TUBGCP3: variants seen among roughly 807,000 people sequenced by gnomAD.
TUBGCP3 encodes gamma-tubulin complex component 3.
A neutral mutation model predicts 123.1 loss-of-function variants in TUBGCP3; 50 were observed. The ratio of observed to expected loss-of-function variants is 0.41; its 90% CI spans 0.32 to 0.51. The LOEUF (loss-of-function observed/expected upper bound fraction) is 0.51. TUBGCP3 is among the 20% of genes least tolerant of loss of function. TUBGCP3 has a pLI of 0.36. For synonymous variants in TUBGCP3, 405 were observed against 413.9 expected (o/e 0.98, Z 0.26); for missense variants, 882 against 1,127.0 (o/e 0.78, Z 3.11).
chr13:112,571,160 T>G (rs1881360256), intron 1 of TUBGCP3, among the ~76,000 whole-genome samples: 1 of 152,238 alleles, frequency 6.6e-6, no homozygotes, highest in Non-Finnish European at 1.5e-5. Flanking sequence ...CAAATGATCT[T>G]AATGGCATCT....
intron 2 of TUBGCP3, among the ~76,000 whole-genome samples, 195 bp downstream of exon 2, chr13:112,568,957 C>G (rs769675926): frequency 2.6e-5 from 4 of 152,178 alleles, no homozygotes; most frequent in Non-Finnish European, 5.9e-5. Context: ...TATGCACCAT[C>G]CCAGAATTAA....
chr13:112,502,316 G>A (rs1230373534), intron 19 of TUBGCP3, among the ~76,000 whole-genome samples: 2 of 152,178 alleles, frequency 1.3e-5, no homozygotes, highest in African/African-American at 4.8e-5. Flanking sequence ...CGACTGCACC[G>A]TGAGACAGGC....
intron 20 of TUBGCP3, among the ~76,000 whole-genome samples, chr13:112,497,695 T>C (rs1880613909): frequency 6.6e-6 from 1 of 152,252 alleles, no homozygotes; most frequent in Non-Finnish European, 1.5e-5. Context: ...CCTGGCTATA[T>C]GGCACAGCCT....
At chr13:112,498,980 G>C (rs762097260) in intron 20 of TUBGCP3, 65 bp downstream of exon 20, 1 of 1,614,090 alleles carries the variant, frequency 6.2e-7, no homozygotes. Flanking sequence ...TGGCATTTGA[G>C]ATTATCGTGT....
intron 1 of TUBGCP3, among the ~76,000 whole-genome samples, chr13:112,581,241 T>C (rs751276308): frequency 2.0e-5 from 3 of 152,140 alleles, no homozygotes; most frequent in Non-Finnish European, 2.9e-5. Flanking sequence ...ACAAGCGCAC[T>C]GTGTCAGCAA....
chr13:112,488,029 G>T (rs1192599727), intron 21 of TUBGCP3, among the ~76,000 whole-genome samples: 1 of 151,666 alleles, frequency 6.6e-6, no homozygotes, highest in Non-Finnish European at 1.5e-5. Context: ...CTACTCGGGA[G>T]GCTGAGGCAG....
chr13:112,498,793 C>T, intron 20 of TUBGCP3: 1 of 1,548,970 alleles, frequency 6.5e-7, no homozygotes, highest in Non-Finnish European at 8.7e-7. Flanking sequence ...TGAAAACGGG[C>T]AGGAGATTTG....
chr13:112,544,289 TA>T, intron 11 of TUBGCP3, among the ~76,000 whole-genome samples: 1 of 151,742 alleles, frequency 6.6e-6, no homozygotes, highest in Non-Finnish European at 1.5e-5. Context: ...CCGTCTCTAC[TA>T]AAAATACAAA....
rs544956581 is a variant in TUBGCP3 at position 112,574,328 on chromosome 13, T to C, written c.77-5069A>G. Among the ~76,000 whole-genome samples the C allele has an allele frequency of 6.1e-5, 8 of 130,100 alleles. No homozygotes were observed. The South Asian group carries it at 2.1e-3, about 33-fold the overall frequency. 85.4% of individuals were successfully genotyped at this position (130,100 alleles called of 152,430 possible). On this transcript the variant is annotated intron_variant, in intron 1 of 21. Coordinates refer to ENST00000261965, the MANE Select transcript of TUBGCP3 (RefSeq NM_006322.6). ...GTGAGCACTCTGAGCTCAGTGTGGC[T>C]TCCCCCTGCCCAATCCACAGAGAAT...
At chr13:112,596,080 C>T in the TUBGCP3 span, among the ~76,000 whole-genome samples, 4 of 152,098 alleles carry the variant, frequency 2.6e-5, no homozygotes, top group African/African-American at 9.7e-5. Flanking sequence ...TTTACATTCC[C>T]CTGTTTATGG....
chr13:112,558,815 G>A (rs941851636), intron 4 of TUBGCP3, among the ~76,000 whole-genome samples: 1 of 152,066 alleles, frequency 6.6e-6, no homozygotes, highest in African/African-American at 2.4e-5. Context: ...TCACCCACAC[G>A]CTTCAACCTC....
intron 17 of TUBGCP3, among the ~76,000 whole-genome samples, chr13:112,514,243 G>A (rs1464626373): frequency 2.1e-5 from 3 of 139,536 alleles, no homozygotes; most frequent in African/African-American, 7.9e-5. Context: ...ATGGGGAAAA[G>A]CAGTATACGT....
rs1350024195 is a variant in TUBGCP3, at chr13:112,518,842, T to C, written c.1950+133A>G. 3 of 728,862 alleles carry C rather than the reference T, an allele frequency of 4.1e-6. No homozygotes were observed. The African/African-American group carries it at 5.3e-5, about 13-fold the overall frequency. 45.1% of individuals were successfully genotyped at this position (728,862 alleles called of 1,614,324 possible). A position where few individuals can be genotyped will look rare whatever the true frequency, so the allele number is the denominator to read the frequency against. ...CACACAATTTTGGCTTAAGTATTCA[T>C]TCAATGAGTAGATCTTAGATGTCGA... is the stretch of plus-strand genomic sequence containing the variant. On this transcript the variant is annotated intron_variant, in intron 16 of 21. Coordinates refer to ENST00000261965, the MANE Select transcript of TUBGCP3 (RefSeq NM_006322.6).
intron 8 of TUBGCP3, among the ~76,000 whole-genome samples, chr13:112,553,083 A>G (rs895910297): frequency 6.7e-6 from 1 of 149,192 alleles, no homozygotes; most frequent in Non-Finnish European, 1.5e-5. Context: ...GTTCTTACCC[A>G]CCAGCCATGC....
In TUBGCP3 at chr13:112,504,729, T is replaced by G. The variant is rs1232717056; in HGVS notation, c.2087-15A>C. On this transcript the variant is annotated splice_polypyrimidine_tract_variant and intron_variant, in intron 17 of 21. Transcript: ENST00000261965. ...CCCGGAGAACTCTGCAAGGGAAGAG[T>G]TGACGTCAGAGGTGCAATGCAAGTA... The G allele has an allele frequency of 8.7e-6, 14 of 1,609,444 alleles. No homozygotes were observed. The highest frequency in any genetic ancestry group is 1.1e-5 in the Non-Finnish European group (13 of 1,177,224).
intron 20 of TUBGCP3, among the ~76,000 whole-genome samples, chr13:112,496,118 ATAAT>A (rs1170370726): frequency 1.3e-5 from 2 of 152,240 alleles, no homozygotes; most frequent in Non-Finnish European, 1.5e-5. Context: ...AAGATGGCAA[ATAAT>A]TAAGTACGAT....
At chr13:112,493,559 G>A (rs962813179) in intron 20 of TUBGCP3, among the ~76,000 whole-genome samples, 1 of 150,498 alleles carries the variant, frequency 6.6e-6, no homozygotes, top group Non-Finnish European at 1.5e-5. Flanking sequence ...ACAGGGCCTG[G>A]TGTCCCTGAA....
chr13:112,549,728 G>A (rs112999421), intron 8 of TUBGCP3, among the ~76,000 whole-genome samples: 8,620 of 151,860 alleles, frequency 0.057, 305 homozygotes, highest in East Asian at 0.11. Context: ...AGTGGCTCAC[G>A]CCTGTAATCC....
chr13:112,566,702 T>C (rs1478308236), intron 2 of TUBGCP3, among the ~76,000 whole-genome samples: 2 of 152,230 alleles, frequency 1.3e-5, no homozygotes, highest in Admixed American at 6.5e-5. Flanking sequence ...AGATTGGCAC[T>C]AATTCATACA....
Sources: gnomAD v4.1 joint callset for allele counts (sites outside exome capture counted in the v4.1 genomes callset) on GRCh38, gnomAD v4.1.1 for gene constraint, MANE v1.5 for transcripts, NCBI Gene and HGNC (gene_info 2026-07-23, HGNC 2026-07-21) for gene names.